Variants in DCAF5 observed in about 807,000 individuals in gnomAD.
DCAF5 encodes DDB1- and CUL4-associated factor 5.
A neutral mutation model predicts 80.7 loss-of-function variants in DCAF5; 9 were observed. The ratio of observed to expected loss-of-function variants is 0.11; its 90% CI spans 0.07 to 0.19. DCAF5 has a LOEUF of 0.19. Among genes scored for constraint, DCAF5 ranks in the 10% least tolerant of loss-of-function variants. The probability of loss-of-function intolerance (pLI) is 1.00; values close to 1 mark genes in which losing one functional copy is unlikely to be tolerated. For synonymous variants in DCAF5, 433 were observed against 461.9 expected (o/e 0.94, Z 0.80); for missense variants, 842 against 1,205.7 (o/e 0.70, Z 4.47).
At chr14:69,082,576 T>C (rs1254371657) in intron 6 of DCAF5, among the ~76,000 whole-genome samples, 1 of 152,230 alleles carries the variant, frequency 6.6e-6, no homozygotes, top group East Asian at 1.9e-4. Context: ...CCAGCGTTAC[T>C]TAAAGATGAA....
At chr14:69,120,152 T>C (rs1394127517) in intron 2 of DCAF5, among the ~76,000 whole-genome samples, 4 of 152,142 alleles carry the variant, frequency 2.6e-5, no homozygotes, top group East Asian at 3.9e-4. Context: ...GGTGCAATCA[T>C]GGTTCACTAC....
chr14:69,088,650 G>A (rs568648115), intron 6 of DCAF5, among the ~76,000 whole-genome samples: 11 of 152,130 alleles, frequency 7.2e-5, no homozygotes, highest in Admixed American at 2.0e-4. Context: ...TCTCATCCAT[G>A]TTCATTCCTA....
At chr14:69,122,455 T>C (rs2040750931) in intron 1 of DCAF5, 95 bp from the exon 2 acceptor site, 15 of 1,357,064 alleles carry the variant, frequency 1.1e-5, no homozygotes, top group Non-Finnish European at 7.1e-6. Flanking sequence ...TTTCCAAAAC[T>C]GCACCTCCCC....
chr14:69,122,016 A>G (rs1030044123), intron 2 of DCAF5, among the ~76,000 whole-genome samples: 6 of 152,178 alleles, frequency 3.9e-5, no homozygotes, highest in Non-Finnish European at 8.8e-5. Context: ...GGTGAAGAAA[A>G]GCAAAAAAAA....
intron 5 of DCAF5, among the ~76,000 whole-genome samples, chr14:69,096,329 T>C (rs998789303): frequency 2.0e-5 from 3 of 152,188 alleles, no homozygotes; most frequent in Non-Finnish European, 4.4e-5. Context: ...GGAAGACACA[T>C]TGCGATCTGT....
intron 1 of DCAF5, among the ~76,000 whole-genome samples, chr14:69,123,842 G>A (rs1324034431): frequency 1.3e-5 from 2 of 152,086 alleles, no homozygotes; most frequent in Non-Finnish European, 2.9e-5. Flanking sequence ...GGGATTACAG[G>A]CTCCCACCAC....
chr14:69,119,862 G>A (rs1710993), intron 2 of DCAF5, among the ~76,000 whole-genome samples: 138,275 of 152,142 alleles, frequency 0.91, 63,121 homozygotes, highest in East Asian at 0.98. Flanking sequence ...AAAATCTTTA[G>A]CATTTCTATG....
intron 2 of DCAF5, 73 bp downstream of exon 2, chr14:69,122,144 G>C (rs2040742378): frequency 6.6e-7 from 1 of 1,526,254 alleles, no homozygotes; most frequent in Non-Finnish European, 9.0e-7. Flanking sequence ...GAAAAATAAG[G>C]AGTTATTTTC....
At chr14:69,098,744 A>AG (rs1217353087) in intron 5 of DCAF5, among the ~76,000 whole-genome samples, 1 of 149,462 alleles carries the variant, frequency 6.7e-6, no homozygotes, top group East Asian at 2.0e-4. Flanking sequence ...AAAAAAAAAA[A>AG]AAAATTAGCC....
At chr14:69,116,283 C>T in intron 5 of DCAF5, 83 bp downstream of exon 5, 2 of 1,506,730 alleles carry the variant, frequency 1.3e-6, no homozygotes, top group African/African-American at 2.8e-5. Flanking sequence ...CAAAGAGGTC[C>T]TTACAACACT....
At chr14:69,150,344 C>G (rs2041661798) in intron 1 of DCAF5, among the ~76,000 whole-genome samples, 1 of 152,130 alleles carries the variant, frequency 6.6e-6, no homozygotes. Flanking sequence ...AATAAATACC[C>G]AGAATCGAAA....
At chr14:69,063,702 T>C (rs539067981) in intron 7 of DCAF5, among the ~76,000 whole-genome samples, 1 of 152,322 alleles carries the variant, frequency 6.6e-6, no homozygotes, top group South Asian at 2.1e-4. Flanking sequence ...CCAGAAATAA[T>C]ATGGCTCTAG....
At chr14:69,093,886 T>C (rs2039611316) in intron 5 of DCAF5, among the ~76,000 whole-genome samples, 1 of 152,222 alleles carries the variant, frequency 6.6e-6, no homozygotes, top group Non-Finnish European at 1.5e-5. Context: ...TAGTAATCCC[T>C]GCAGAGAAAT....
chr14:69,069,733 C>T (rs1270710281), intron 7 of DCAF5, among the ~76,000 whole-genome samples: 1 of 152,048 alleles, frequency 6.6e-6, no homozygotes, highest in Non-Finnish European at 1.5e-5. Flanking sequence ...CCTCAGCCTC[C>T]CAAAGTGCCA....
chr14:69,071,537 C>A (rs2038693216), intron 7 of DCAF5, among the ~76,000 whole-genome samples: 1 of 149,852 alleles, frequency 6.7e-6, no homozygotes, highest in African/African-American at 2.5e-5. Flanking sequence ...CTTTCCCTTA[C>A]TAGCCTGCCT....
In DCAF5 at chr14:69,055,998, T is replaced by C. The variant is rs867087403; in HGVS notation, c.1075-387A>G. On this transcript the variant is annotated intron_variant, in intron 8 of 8. Coordinates refer to ENST00000341516, the MANE Select transcript of DCAF5 (RefSeq NM_003861.3). This position sits in a 1 kb window ranked among gnomAD's most constrained non-coding sequence, Gnocchi z 5.6. ...TGGAGAATAGAGGATGACTTGAAGA[T>C]TTCCCAAGGTGTTAAAGACTTTCAG... is the stretch of plus-strand genomic sequence containing the variant. Among the ~76,000 whole-genome samples the C allele has an allele frequency of 6.6e-5, 10 of 152,176 alleles. No individual in the cohort carries two copies. In the South Asian group the frequency reaches 1.9e-3, roughly 28 times the overall value.
Position 69,051,045 on chromosome 14 carries a change from A to T in DCAF5, c.*2812T>A, listed in dbSNP as rs2037743726. On this transcript the variant is annotated 3_prime_UTR_variant, in exon 9 of 9. Coordinates refer to ENST00000341516, the MANE Select transcript of DCAF5 (RefSeq NM_003861.3). Reference sequence around the variant, plus strand: ...CAGACAAACAAGAGACTCTCAGCTTATTAAATCAAGCATAGTCACAAACTT... The same window carrying T: ...CAGACAAACAAGAGACTCTCAGCTTTTTAAATCAAGCATAGTCACAAACTT... The T allele has an allele frequency of 6.6e-6, 1 of 152,660 alleles. No homozygotes were observed. The highest frequency in any genetic ancestry group is 6.5e-5 in the Admixed American group (1 of 15,276). The allele number at this position is 152,660 out of a possible 1,614,324, so 9.5% of individuals were successfully genotyped here.
intron 1 of DCAF5, among the ~76,000 whole-genome samples, chr14:69,144,974 AAAGGGTTACTTAATGCAGCATTTCAC>A (rs1400909386): frequency 6.6e-6 from 1 of 152,210 alleles, no homozygotes; most frequent in East Asian, 1.9e-4. Flanking sequence ...AGAAGATATA[AAAGGGTTACTTAATGCAGCATTTCAC>A]AAGCTTCAAT....
chr14:69,087,114 C>T (rs2039358823), intron 6 of DCAF5, among the ~76,000 whole-genome samples: 1 of 152,140 alleles, frequency 6.6e-6, no homozygotes, highest in African/African-American at 2.4e-5. Context: ...AAGCCTGAGC[C>T]ATTCTATTGG....
Sources: allele counts gnomAD v4.1 joint callset (sites outside exome capture counted in the v4.1 genomes callset), GRCh38; gene constraint gnomAD v4.1.1; non-coding constraint Gnocchi (gnomAD v3.1); transcripts MANE v1.5; gene names NCBI Gene and HGNC (gene_info 2026-07-23, HGNC 2026-07-21).